Variants in FGD2 observed in about 807,000 individuals in gnomAD.
FGD2 encodes FYVE, RhoGEF and PH domain-containing protein 2.
Under a neutral mutation model 75.9 loss-of-function variants are expected in FGD2, and 52 were observed. The observed-to-expected ratio is 0.69, with a 90% CI of 0.55 to 0.86. FGD2 has a LOEUF of 0.86. FGD2 is among the 40% of genes least tolerant of loss of function. The probability of loss-of-function intolerance (pLI) is 0.00; values close to 1 mark genes in which losing one functional copy is unlikely to be tolerated. For missense variants in FGD2, 790 were observed against 872.0 expected, an observed-to-expected ratio of 0.91 and a Z score of 1.18; for synonymous variants, 347 against 348.6, an observed-to-expected ratio of 1.00 and a Z score of 0.05.
At chr6:37,020,152 A>G (rs533825422) in intron 9 of FGD2, among the ~76,000 whole-genome samples, 55 of 152,274 alleles carry the variant, frequency 3.6e-4, no homozygotes, top group African/African-American at 1.3e-3. Flanking sequence ...GCACCCAGCC[A>G]AGGTTATTTT....
chr6:37,009,486 T>A (rs963632902), intron 2 of FGD2: 1 of 161,632 alleles, frequency 6.2e-6, no homozygotes, highest in Non-Finnish European at 1.3e-5. Flanking sequence ...TAAAGCCCAG[T>A]CTGATCTCTT....
Position 37,028,513 on chromosome 6 carries a change from T to A in FGD2, c.*350T>A. 3.9e-6 allele frequency: 1 copy of A among 257,602 alleles called. No homozygotes were observed. Among genetic ancestry groups the A allele is most frequent in the Non-Finnish European group, 7.3e-6 (1 of 137,048 alleles). 16.0% of individuals were successfully genotyped at this position (257,602 alleles called of 1,614,324 possible). A position where few individuals can be genotyped will look rare whatever the true frequency, so the allele number is the denominator to read the frequency against. ...CTGGGGAGCTTTTAAAGAGTACTGG[T>A]GAAAAACACATAGTAAATTAATTTT... On this transcript the variant is annotated 3_prime_UTR_variant, in exon 16 of 16. Transcript: ENST00000274963.
chr6:37,027,562 A>G lies in FGD2; in HGVS notation c.1739A>G (p.Tyr580Cys), dbSNP rs755127721. ...PRDDPLVLYV[Y>C]AAPQDMRAHT... ...GATGACCCCCTCGTGCTCTATGTCT[A>G]TGCTGCCCCTCAGGTAAGGCCACCA... The change falls in exon 15 of 16, where the codon TAT becomes TGT. Residue 580 changes from tyrosine to cysteine, a missense_variant. By Grantham distance (194) the Tyr-to-Cys change is radical (BLOSUM62 -2). Transcript: ENST00000274963. 1.2e-6 allele frequency: 2 copies of G among 1,613,876 alleles called. No individual in the cohort carries two copies. The highest frequency in any genetic ancestry group is 2.2e-5 in the East Asian group (1 of 44,870).
chr6:37,014,115 A>C lies in FGD2; in HGVS notation c.823+15A>C. ...CGATGCCCAGAGTGAGGACACCCCCAGGGGTCCCAGGGGGCTGAGGAGGCC... is the reference window on the plus strand; with the variant it reads ...CGATGCCCAGAGTGAGGACACCCCCCGGGGTCCCAGGGGGCTGAGGAGGCC... On this transcript the variant is annotated intron_variant, in intron 6 of 15. Transcript: ENST00000274963. 6.2e-7 allele frequency: 1 copy of C among 1,611,384 alleles called. No homozygotes were observed. The highest frequency in any genetic ancestry group is 8.5e-7 in the Non-Finnish European group (1 of 1,178,748).
chr6:37,020,723 T>C lies in FGD2; in HGVS notation c.1217T>C (p.Met406Thr). The C allele has an allele frequency of 1.3e-6, 2 of 1,570,516 alleles. No individual in the cohort carries two copies. Among genetic ancestry groups the C allele is most frequent in the African/African-American group, 1.4e-5 (1 of 74,032 alleles). The part of the protein sequence containing the change: ...LELQARSQEE[M>T]ISWMQAFQAA... ...TTTCCGAGCAGGTCCCAGGAGGAAATGATTTCCTGGATGCAGGTATGGGAA... is the reference window on the plus strand; with the variant it reads ...TTTCCGAGCAGGTCCCAGGAGGAAACGATTTCCTGGATGCAGGTATGGGAA... Residue 406 changes from methionine to threonine, a missense_variant, in exon 11 of 16, where the codon ATG becomes ACG. Transcript: ENST00000274963.
rs757246009 is a variant in FGD2 at position 37,028,128 on chromosome 6, C to T, written c.1933C>T (p.Pro645Ser). The T allele has an allele frequency of 2.5e-6, 4 of 1,605,564 alleles. No individual in the cohort carries two copies. Among genetic ancestry groups the T allele is most frequent in the Non-Finnish European group, 3.4e-6 (4 of 1,176,230 alleles). Residue 645 changes from proline (P) to serine (S), a missense_variant, in exon 16 of 16, where the codon CCC becomes TCC. Physicochemically the swap from Pro to Ser is moderately conservative, Grantham distance 74 (BLOSUM62 -1). Transcript: ENST00000274963. The stretch of plus-strand genomic sequence containing the variant: ...GGAGCGGGCGGCCAGTGGCTGGAGC[C>T]CCAGCTGGCCCAACGATGGGGACCT... ...AMERAASGWS[P>S]SWPNDGDLSD
intron 14 of FGD2, 62 bp from the exon 15 acceptor site, chr6:37,027,367 C>A: frequency 6.4e-7 from 1 of 1,552,264 alleles, no homozygotes. Context: ...GTCAAGCCCC[C>A]AGACCAACAT....
chr6:37,020,405 C>T (rs970822395), intron 9 of FGD2, 136 bp from the exon 10 acceptor site: 8 of 818,350 alleles, frequency 9.8e-6, no homozygotes, highest in African/African-American at 8.5e-5. Flanking sequence ...AGAGAGGTGG[C>T]GAACAAGCTC....
intron 1 of FGD2, among the ~76,000 whole-genome samples, chr6:37,008,053 G>C (rs777626546): frequency 6.6e-6 from 1 of 152,220 alleles, no homozygotes; most frequent in Non-Finnish European, 1.5e-5. Context: ...ATCCTGTCCA[G>C]ACCTCAGTTT....
intron 11 of FGD2, among the ~76,000 whole-genome samples, chr6:37,021,295 G>T (rs1032705039): frequency 6.6e-6 from 1 of 152,112 alleles, no homozygotes; most frequent in Non-Finnish European, 1.5e-5. Flanking sequence ...GCAGTCCAGG[G>T]CCAGTCACTT....
rs200218710 is a variant in FGD2 at position 37,015,880 on chromosome 6, C to G, written c.1122+20C>G. 4.5e-6 allele frequency: 7 copies of G among 1,552,590 alleles called. No individual in the cohort carries two copies. The highest frequency in any genetic ancestry group is 1.2e-5 in the South Asian group (1 of 83,872). ...ATGAAGGTAAGAGGCCCCCTAAACA[C>G]CACTGGGCTCCACCTCAAGGGTAGG... On this transcript the variant is annotated intron_variant, in intron 9 of 15. Coordinates refer to ENST00000274963, the MANE Select transcript of FGD2 (RefSeq NM_173558.4).
At chr6:37,015,650 T>C in intron 8 of FGD2, 118 bp from the exon 9 acceptor site, 1 of 891,934 alleles carries the variant, frequency 1.1e-6, no homozygotes, top group South Asian at 1.4e-5. Flanking sequence ...CCAGAGTGTG[T>C]TCAAAGGGGA....
In FGD2 at chr6:37,014,010, C is replaced by T; in HGVS notation, c.733C>T (p.Pro245Ser). The stretch of plus-strand genomic sequence containing the variant: ...GACCCTGCAGCACCACATGCTGGAA[C>T]CAGTGCAGAGAATTCCACGTTACGA... ...SLTLQHHMLEPVQRIPRYELL... is the reference protein window; with the variant it reads ...SLTLQHHMLESVQRIPRYELL... The change falls in exon 6 of 16, where the codon CCA (proline) becomes TCA (serine). Residue 245 changes from proline (P) to serine (S), a missense_variant. Coordinates refer to ENST00000274963, the MANE Select transcript of FGD2 (RefSeq NM_173558.4). 1.9e-6 allele frequency: 3 copies of T among 1,614,112 alleles called. No homozygotes were observed. Among genetic ancestry groups the T allele is most frequent in the Non-Finnish European group, 2.5e-6 (3 of 1,179,988 alleles).
At chr6:37,007,096 A>G (rs11967185) in intron 1 of FGD2, among the ~76,000 whole-genome samples, 53,558 of 152,006 alleles carry the variant, frequency 0.35, 9,684 homozygotes, top group East Asian at 0.55. Flanking sequence ...AAGGAGGGAC[A>G]TGGGTGGCAC....
Position 37,027,976 on chromosome 6 carries a change from T to C in FGD2, c.1781T>C (p.Leu594Pro), listed in dbSNP as rs781749586. ...ATGAGGGCTCACACCTCCATCCCCCTGCTGGGCTACCAGGTGACTGTTGGG... is the reference window on the plus strand; with the variant it reads ...ATGAGGGCTCACACCTCCATCCCCCCGCTGGGCTACCAGGTGACTGTTGGG... ...QDMRAHTSIP[L>P]LGYQVTVGPQ... is the part of the protein sequence containing the mutation. The change falls in exon 16 of 16, where the codon CTG (leucine) becomes CCG (proline). Residue 594 changes from leucine to proline, a missense_variant. By Grantham distance (98) the Leu-to-Pro change is moderately conservative. Transcript: ENST00000274963. 2.5e-6 allele frequency: 4 copies of C among 1,614,036 alleles called. No individual in the cohort carries two copies. Among genetic ancestry groups the C allele is most frequent in the Non-Finnish European group, 2.5e-6 (3 of 1,179,994 alleles).
At chr6:37,025,766 C>CA in intron 13 of FGD2, 26 bp from the exon 14 acceptor site, 1 of 1,613,824 alleles carries the variant, frequency 6.2e-7, no homozygotes, top group East Asian at 2.2e-5. Flanking sequence ...GTCTCAGCCC[C>CA]ATGCCCCCTT....
intron 12 of FGD2, 33 bp from the exon 13 acceptor site, chr6:37,022,206 G>A (rs375919071): frequency 1.3e-6 from 2 of 1,588,112 alleles, no homozygotes; most frequent in East Asian, 2.3e-5. Flanking sequence ...GTCACCAAGG[G>A]CCCATTCCTG....
intron 4 of FGD2, chr6:37,012,087 G>A (rs952728203): frequency 1.3e-5 from 6 of 479,704 alleles, no homozygotes; most frequent in Non-Finnish European, 2.2e-5. Flanking sequence ...TCCTGGCCAA[G>A]CCAAGTGACC....
At chr6:37,026,411 A>G (rs1765824027) in intron 14 of FGD2, 1 of 985,064 alleles carries the variant, frequency 1.0e-6, no homozygotes, top group Non-Finnish European at 1.2e-6. Context: ...GGGCTGGAGG[A>G]GTGACTTGCC....
Sources: gnomAD v4.1 joint callset for allele counts (sites outside exome capture counted in the v4.1 genomes callset) on GRCh38, gnomAD v4.1.1 for gene constraint, MANE v1.5 for transcripts, NCBI Gene and HGNC (gene_info 2026-07-23, HGNC 2026-07-21) for gene names.